PAM: variants seen among roughly 807,000 people sequenced by gnomAD.
PAM encodes peptidyl-glycine alpha-amidating monooxygenase.
Under a neutral mutation model 122.1 loss-of-function variants are expected in PAM, and 72 were observed. The ratio of observed to expected loss-of-function variants is 0.59; its 90% CI spans 0.49 to 0.72. The LOEUF is 0.72. PAM is among the 30% of genes least tolerant of loss of function. PAM has a pLI of 0.00. For synonymous variants in PAM, 389 were observed against 404.4 expected (o/e 0.96, Z 0.46); for missense variants, 1,106 against 1,183.7 (o/e 0.93, Z 0.96).
intron 21 of PAM, among the ~76,000 whole-genome samples, chr5:103,016,381 T>A (rs1161818696): frequency 6.6e-6 from 1 of 152,218 alleles, no homozygotes; most frequent in African/African-American, 2.4e-5. Flanking sequence ...ATGGTCTGGA[T>A]ACTCACTAGT....
At chr5:103,009,084 G>A (rs1295432325) in intron 20 of PAM, among the ~76,000 whole-genome samples, 1 of 152,032 alleles carries the variant, frequency 6.6e-6, no homozygotes, top group African/African-American at 2.4e-5. Context: ...TCAATCATCT[G>A]AATTGTTTAT....
intron 21 of PAM, among the ~76,000 whole-genome samples, chr5:103,010,261 C>G (rs1780227772): frequency 6.6e-6 from 1 of 152,160 alleles, no homozygotes. Flanking sequence ...CTCTTAGACC[C>G]AACAGACATC....
At chr5:102,896,854 GT>G (rs1457887391) in intron 3 of PAM, among the ~76,000 whole-genome samples, 2 of 151,570 alleles carry the variant, frequency 1.3e-5, no homozygotes, top group Admixed American at 6.6e-5. Context: ...TTAAACTTGA[GT>G]TTTTTTGCTT....
chr5:102,839,948 C>T (rs542615441), intron 1 of PAM, among the ~76,000 whole-genome samples: 1 of 152,292 alleles, frequency 6.6e-6, no homozygotes, highest in South Asian at 2.1e-4. Flanking sequence ...ACATTAGACA[C>T]ATCCTTTTGA....
chr5:102,940,795 C>G (rs1754940931), intron 7 of PAM, among the ~76,000 whole-genome samples: 1 of 151,808 alleles, frequency 6.6e-6, no homozygotes, highest in Non-Finnish European at 1.5e-5. Context: ...AACTTAATGC[C>G]TCAGGAAGGG....
At chr5:102,768,147 A>C (rs1418409570) in intron 1 of PAM, among the ~76,000 whole-genome samples, 1 of 152,182 alleles carries the variant, frequency 6.6e-6, no homozygotes, top group East Asian at 1.9e-4. Context: ...ATTACCATTA[A>C]CATTTTCCAC....
At chr5:102,863,613 A>G (rs1784729103) in intron 1 of PAM, among the ~76,000 whole-genome samples, 1 of 151,346 alleles carries the variant, frequency 6.6e-6, no homozygotes, top group Non-Finnish European at 1.5e-5. Context: ...TCTTTTGTAT[A>G]AAGTATTGAA....
intron 5 of PAM, among the ~76,000 whole-genome samples, chr5:102,922,590 C>T (rs1337080474): frequency 6.6e-6 from 1 of 152,162 alleles, no homozygotes; most frequent in Non-Finnish European, 1.5e-5. Context: ...ATGACATAAT[C>T]AAATGTATAA....
intron 7 of PAM, among the ~76,000 whole-genome samples, chr5:102,938,452 A>T (rs904516949): frequency 2.0e-5 from 3 of 151,968 alleles, no homozygotes; most frequent in African/African-American, 4.8e-5. Context: ...GTGGATTTTT[A>T]AAAAAGTAAT....
intron 12 of PAM, among the ~76,000 whole-genome samples, chr5:102,952,349 C>G (rs1407197459): frequency 1.3e-5 from 2 of 152,146 alleles, no homozygotes; most frequent in Admixed American, 1.3e-4. Context: ...AGGCCTCTAT[C>G]AGTTCCATGA....
chr5:102,868,472 C>T (rs1462467053), intron 3 of PAM, among the ~76,000 whole-genome samples: 12 of 152,154 alleles, frequency 7.9e-5, no homozygotes. Context: ...TCCTCATCCC[C>T]AAATGACCAT....
chr5:102,848,171 T>C lies in PAM; in HGVS notation c.-373-17652T>C, dbSNP rs145146750. On this transcript the variant is annotated intron_variant, in intron 1 of 25. Coordinates refer to ENST00000438793, the MANE Select transcript of PAM (RefSeq NM_001177306.2). The stretch of plus-strand genomic sequence containing the variant: ...ATGTCCTTCTCTTTCTTCCTCTTTT[T>C]TTTTTCTCTAAGCAGAAGTCATAGA... Among the ~76,000 whole-genome samples the C allele has an allele frequency of 3.0e-3, 454 of 152,310 alleles. 5 individuals are homozygous for C. Among genetic ancestry groups the C allele is most frequent in the African/African-American group, 0.01 (430 of 41,574 alleles).
chr5:103,003,109 C>T lies in PAM; in HGVS notation c.1690C>T (p.Pro564Ser). The stretch of plus-strand genomic sequence containing the variant: ...AGAAGACACTATTCTTGTCATAGAT[C>T]CAAATAATGCTGCAGTACTCCAGTC... ...IEEDTILVID[P>S]NNAAVLQSSG... The change falls in exon 17 of 26, where the codon CCA becomes TCA. Residue 564 changes from proline (P) to serine (S), a missense_variant. Coordinates refer to ENST00000438793, the MANE Select transcript of PAM (RefSeq NM_001177306.2). The T allele has an allele frequency of 6.3e-7, 1 of 1,597,150 alleles. No homozygotes were observed. The highest frequency in any genetic ancestry group is 8.6e-7 in the Non-Finnish European group (1 of 1,164,684).
Position 102,853,984 on chromosome 5 carries a change from T to C in PAM, c.-373-11839T>C, listed in dbSNP as rs561526180. ...GCTTAGCCTTTATGTATTTTGCTAA[T>C]AAATACCAGAAGTACAGCCTCTATC... On this transcript the variant is annotated intron_variant, in intron 1 of 25. Transcript: ENST00000438793. Among the ~76,000 whole-genome samples the C allele has an allele frequency of 4.6e-5, 7 of 152,336 alleles. No individual in the cohort carries two copies. In the East Asian group the frequency reaches 1.3e-3, roughly 29 times the overall value.
At chr5:103,005,668 A>G (rs1450056065) in intron 18 of PAM, among the ~76,000 whole-genome samples, 1 of 152,092 alleles carries the variant, frequency 6.6e-6, no homozygotes. Context: ...TATTACCATC[A>G]TATTGGGGGT....
intron 12 of PAM, among the ~76,000 whole-genome samples, chr5:102,956,789 A>G (rs1760894982): frequency 6.6e-6 from 1 of 152,120 alleles, no homozygotes; most frequent in Non-Finnish European, 1.5e-5. Flanking sequence ...TTTAGCCGAC[A>G]TTGCACAATT....
At chr5:102,835,519 A>G (rs1024091127) in intron 1 of PAM, among the ~76,000 whole-genome samples, 2 of 152,138 alleles carry the variant, frequency 1.3e-5, no homozygotes, top group African/African-American at 4.8e-5. Flanking sequence ...TAGGATTCAC[A>G]TACCTAAAAA....
At chr5:102,774,449 G>A (rs1561407893) in intron 1 of PAM, among the ~76,000 whole-genome samples, 1 of 152,054 alleles carries the variant, frequency 6.6e-6, no homozygotes, top group African/African-American at 2.4e-5. Flanking sequence ...TTCTGTGTCA[G>A]TTTTTTCATA....
At chr5:102,814,143 A>G (rs1768852363) in intron 1 of PAM, among the ~76,000 whole-genome samples, 1 of 152,224 alleles carries the variant, frequency 6.6e-6, no homozygotes, top group South Asian at 2.1e-4. Flanking sequence ...ACTGGAGACC[A>G]TCAGGTCCCC....
Sources: allele counts gnomAD v4.1 joint callset (sites outside exome capture counted in the v4.1 genomes callset), GRCh38; gene constraint gnomAD v4.1.1; transcripts MANE v1.5; gene names NCBI Gene and HGNC (gene_info 2026-07-23, HGNC 2026-07-21).